ILRUN: variants seen among roughly 807,000 people sequenced by gnomAD.
ILRUN encodes inflammation and lipid regulator with UBA-like and NBR1-like domains, also known as protein ILRUN.
In ILRUN, 3 loss-of-function variants were observed where a neutral mutation model predicts 33.8. That is an observed-to-expected ratio of 0.09 (90% CI 0.04 to 0.23). The LOEUF (loss-of-function observed/expected upper bound fraction) is 0.23, where lower values mean the gene tolerates loss of function less well. ILRUN is among the 10% of genes least tolerant of loss of function. The pLI is 1.00. For missense variants in ILRUN, 210 were observed against 375.1 expected (o/e 0.56, Z 3.64); for synonymous variants, 124 against 138.9 (o/e 0.89, Z 0.75).
At chr6:34,691,248 G>A (rs768100118) in intron 1 of ILRUN, among the ~76,000 whole-genome samples, 22 of 152,250 alleles carry the variant, frequency 1.4e-4, no homozygotes, top group Middle Eastern at 3.4e-3. Flanking sequence ...TGTATTCACA[G>A]CCCAATAGTA....
chr6:34,603,303 A>G (rs1761554715), intron 4 of ILRUN, among the ~76,000 whole-genome samples: 1 of 152,172 alleles, frequency 6.6e-6, no homozygotes, highest in Non-Finnish European at 1.5e-5. Flanking sequence ...ACTTGAGGTC[A>G]GGAGTTCGAG....
rs772240562 is a variant in ILRUN, at chr6:34,589,808, C to T, written c.*757G>A. The T allele has an allele frequency of 2.6e-5, 4 of 151,772 alleles. No homozygotes were observed. The highest frequency in any genetic ancestry group is 4.4e-5 in the Non-Finnish European group (3 of 67,898). The allele number at this position is 151,772 out of a possible 1,614,324, so 9.4% of individuals were successfully genotyped here. A position where few individuals can be genotyped will look rare whatever the true frequency, so the allele number is the denominator to read the frequency against. ...CTCAGGCTTAGAAAATCCCACGTCA[C>T]CCGAGATCTATCCTCAAGGCTTCCT... On this transcript the variant is annotated 3_prime_UTR_variant, in exon 5 of 5. Coordinates refer to ENST00000374023, the MANE Select transcript of ILRUN (RefSeq NM_024294.4).
intron 3 of ILRUN, among the ~76,000 whole-genome samples, chr6:34,640,710 A>C (rs571221052): frequency 4.1e-4 from 58 of 139,964 alleles, no homozygotes; most frequent in African/African-American, 1.5e-3. Context: ...CTCCGTCTCA[A>C]ATAAATGAAT....
chr6:34,694,618 T>C lies in ILRUN; in HGVS notation c.158+1828A>G, dbSNP rs547010810. Among the ~76,000 whole-genome samples the C allele has an allele frequency of 2.0e-5, 3 of 152,204 alleles. No homozygotes were observed. In the South Asian group the frequency reaches 6.2e-4, roughly 32 times the overall value. ...CAGACGTAACAGATACAAATGGAGA[T>C]TACAAATGATTAATTCTAAAGACTA... On this transcript the variant is annotated intron_variant, in intron 1 of 4. Coordinates refer to ENST00000374023, the MANE Select transcript of ILRUN (RefSeq NM_024294.4).
At chr6:34,635,868 C>T (rs148068726) in intron 3 of ILRUN, among the ~76,000 whole-genome samples, 2,456 of 152,084 alleles carry the variant, frequency 0.016, 22 homozygotes, top group African/African-American at 0.03. Context: ...GTGATCCACG[C>T]GCCTCAGCCT....
intron 1 of ILRUN, among the ~76,000 whole-genome samples, chr6:34,674,093 T>C (rs989978560): frequency 2.2e-4 from 34 of 152,136 alleles, no homozygotes; most frequent in Non-Finnish European, 2.4e-4. Context: ...AGTGGTGCGA[T>C]CTTGACTCAC....
chr6:34,598,664 G>A (rs775110852), intron 4 of ILRUN, among the ~76,000 whole-genome samples: 1 of 152,208 alleles, frequency 6.6e-6, no homozygotes, highest in Non-Finnish European at 1.5e-5. Flanking sequence ...AATGGAGCTG[G>A]ACAGCTTTGA....
chr6:34,684,468 T>G (rs1480790859), intron 1 of ILRUN, among the ~76,000 whole-genome samples: 1 of 152,176 alleles, frequency 6.6e-6, no homozygotes, highest in Non-Finnish European at 1.5e-5. Context: ...AGAAAAAAAT[T>G]AAGCCTTTTC....
intron 1 of ILRUN, among the ~76,000 whole-genome samples, chr6:34,679,042 T>C (rs988244757): frequency 1.3e-5 from 2 of 151,476 alleles, no homozygotes; most frequent in African/African-American, 4.8e-5. Context: ...TCAGGTACTA[T>C]GCTTATTACC....
chr6:34,621,829 C>T (rs910537726), intron 3 of ILRUN, among the ~76,000 whole-genome samples: 2 of 151,284 alleles, frequency 1.3e-5, no homozygotes, highest in Non-Finnish European at 2.9e-5. Flanking sequence ...TGCCACTGCA[C>T]TCCAGCCTGA....
intron 1 of ILRUN, among the ~76,000 whole-genome samples, chr6:34,686,164 C>T (rs956286752): frequency 1.3e-5 from 2 of 152,054 alleles, no homozygotes; most frequent in Admixed American, 6.6e-5. Flanking sequence ...GAAAACAGTG[C>T]AATTTATATA....
chr6:34,596,874 T>C (rs1761410069), intron 4 of ILRUN, among the ~76,000 whole-genome samples: 1 of 152,214 alleles, frequency 6.6e-6, no homozygotes, highest in African/African-American at 2.4e-5. Flanking sequence ...AGTTTTTCTG[T>C]TGCTCTTAAC....
intron 3 of ILRUN, among the ~76,000 whole-genome samples, chr6:34,613,478 T>C (rs1761803822): frequency 6.6e-6 from 1 of 152,102 alleles, no homozygotes; most frequent in Non-Finnish European, 1.5e-5. Context: ...TAAAATAAAA[T>C]AGTAAAAATC....
intron 3 of ILRUN, among the ~76,000 whole-genome samples, chr6:34,617,928 G>C (rs1398169868): frequency 6.6e-6 from 1 of 152,176 alleles, no homozygotes; most frequent in African/African-American, 2.4e-5. Flanking sequence ...GGCACTGATA[G>C]GAGAACTGAA....
rs1763442199 is a variant in ILRUN, at chr6:34,683,489, T to TAC, written c.158+12956_158+12957insGT. Among the ~76,000 whole-genome samples, 6 of 91,240 alleles carry TAC rather than the reference T, an allele frequency of 6.6e-5. 1 individual carries two copies. The highest frequency in any genetic ancestry group is 3.3e-4 in the African/African-American group (6 of 18,204). The allele number at this position is 91,240 out of a possible 152,430, so 59.9% of individuals were successfully genotyped here. On this transcript the variant is annotated intron_variant, in intron 1 of 4. Coordinates refer to ENST00000374023, the MANE Select transcript of ILRUN (RefSeq NM_024294.4). ...ATATATATACACATATATATATACA[T>TAC]ATATATATACATATATATATATATA... is the stretch of plus-strand genomic sequence containing the variant.
At chr6:34,662,588 A>G (rs1163276551) in intron 1 of ILRUN, among the ~76,000 whole-genome samples, 2 of 152,244 alleles carry the variant, frequency 1.3e-5, no homozygotes, top group Non-Finnish European at 2.9e-5. Context: ...CTGAAAACAC[A>G]TAACATTACG....
Position 34,696,662 on chromosome 6 carries a change from CGGGCCCGGG to C in ILRUN, c.-68_-60del. 1 of 1,562,652 alleles carries C rather than the reference CGGGCCCGGG, an allele frequency of 6.4e-7. No homozygotes were observed. The highest frequency in any genetic ancestry group is 8.6e-7 in the Non-Finnish European group (1 of 1,158,930). On this transcript the variant is annotated 5_prime_UTR_variant, in exon 1 of 5. Transcript: ENST00000374023. ...CACAACCAAGCCGCCGCCGCGCCGC[CGGGCCCGGG>C]GACCTGGAGGGGGGCCGCTGCTAGC...
chr6:34,606,676 G>C lies in ILRUN; in HGVS notation c.740C>G (p.Pro247Arg), dbSNP rs1761638277. 3 of 1,613,040 alleles carry C rather than the reference G, an allele frequency of 1.9e-6. No homozygotes were observed. The highest frequency in any genetic ancestry group is 1.3e-5 in the African/African-American group (1 of 74,902). ...SISKNTWAPA[P>R]DTWAPAPDQT... ...GTCAGGAGCAGGAGCCCATGTGTCA[G>C]GAGCAGGAGCCCATGTGTTTTTGCT... The change falls in exon 4 of 5, where the codon CCT becomes CGT. Residue 247 changes from proline to arginine, a missense_variant. Physicochemically the swap from Pro to Arg is moderately radical, Grantham distance 103. This residue lies in a region of ILRUN where 81 missense variants were observed against 97.0 expected (regional missense o/e 0.84). Coordinates refer to ENST00000374023, the MANE Select transcript of ILRUN (RefSeq NM_024294.4).
At chr6:34,620,260 G>A (rs966164202) in intron 3 of ILRUN, among the ~76,000 whole-genome samples, 1 of 152,090 alleles carries the variant, frequency 6.6e-6, no homozygotes, top group Non-Finnish European at 1.5e-5. Flanking sequence ...GTCAAGGTGA[G>A]ACACCGTAAA....
Sources: allele counts gnomAD v4.1 joint callset (sites outside exome capture counted in the v4.1 genomes callset), GRCh38; gene constraint gnomAD v4.1.1; regional missense constraint gnomAD v4.1.1; transcripts MANE v1.5; gene names NCBI Gene and HGNC (gene_info 2026-07-23, HGNC 2026-07-21).